SPECC1: variants seen among roughly 807,000 people sequenced by gnomAD.
The protein encoded by SPECC1 is cytospin-B.
Under a neutral mutation model 104.1 loss-of-function variants are expected in SPECC1, and 62 were observed. The ratio of observed to expected loss-of-function variants is 0.60; its 90% CI spans 0.49 to 0.74. SPECC1 has a LOEUF of 0.74. Among genes scored for constraint, SPECC1 ranks in the 30% least tolerant of loss-of-function variants. The probability of loss-of-function intolerance (pLI) is 0.00; values close to 1 mark genes in which losing one functional copy is unlikely to be tolerated. For synonymous variants in SPECC1, 513 were observed against 501.6 expected (o/e 1.02, Z -0.30); for missense variants, 1,306 against 1,310.5 (o/e 1.00, Z 0.05).
At chr17:20,291,657 G>C (rs1257504465) in intron 12 of SPECC1, among the ~76,000 whole-genome samples, 2 of 151,976 alleles carry the variant, frequency 1.3e-5, no homozygotes, top group Non-Finnish European at 2.9e-5. Flanking sequence ...CGATCTTCCT[G>C]CTTCAGCCTC....
intron 3 of SPECC1, among the ~76,000 whole-genome samples, chr17:20,194,502 A>ATTATTTATTTTTTTTTTTTTTTTT: frequency 1.2e-5 from 1 of 86,566 alleles, no homozygotes; most frequent in African/African-American, 5.3e-5. Flanking sequence ...AAGAGAACGA[A>ATTATTTATTTTTTTTTTTTTTTTT]TTTTTTTTTT....
rs376885418 is a variant in SPECC1 at position 20,318,405 on chromosome 17, T to C, written c.*4340T>C. 50 of 231,672 alleles carry C rather than the reference T, an allele frequency of 2.2e-4. No individual in the cohort carries two copies. The highest frequency in any genetic ancestry group is 1.0e-3 in the African/African-American group (47 of 45,378). The allele number at this position is 231,672 out of a possible 1,614,324, so 14.4% of individuals were successfully genotyped here. On this transcript the variant is annotated 3_prime_UTR_variant, in exon 15 of 15. Coordinates refer to ENST00000395527, the MANE Select transcript of SPECC1 (RefSeq NM_001243439.2). Reference sequence around the variant, plus strand: ...TCATTCAGTTTTTGTTTTACAGCTTTTGTAGAGACCAACCCAAGTAGATGC... The same window carrying C: ...TCATTCAGTTTTTGTTTTACAGCTTCTGTAGAGACCAACCCAAGTAGATGC...
At chr17:20,163,555 T>C (rs1313174996) in intron 3 of SPECC1, among the ~76,000 whole-genome samples, 1 of 150,254 alleles carries the variant, frequency 6.7e-6, no homozygotes, top group Non-Finnish European at 1.5e-5. Context: ...ATTTATATTC[T>C]CTCTCTCTCT....
chr17:20,082,467 T>TACCA (rs2047011491), intron 1 of SPECC1, among the ~76,000 whole-genome samples: 1 of 152,164 alleles, frequency 6.6e-6, no homozygotes, highest in South Asian at 2.1e-4. Flanking sequence ...GGCGTGGTGG[T>TACCA]GCGCACCTTG....
rs142426609 is a variant in SPECC1 at position 20,204,749 on chromosome 17, A to G, written c.700A>G (p.Lys234Glu). ...GATAAGAGCTCTTGAGGAGAAGAACAAGAACTTTCAGAAAGAGCTTTCCGA... is the reference window on the plus strand; with the variant it reads ...GATAAGAGCTCTTGAGGAGAAGAACGAGAACTTTCAGAAAGAGCTTTCCGA... ...PMIRALEEKN[K>E]NFQKELSDLE... Residue 234 changes from lysine to glutamate, a missense_variant, in exon 4 of 15, where the codon AAG becomes GAG. This residue lies in a region of SPECC1 where 1,177 missense variants were observed against 1,139.9 expected (regional missense o/e 1.03). Transcript: ENST00000395527. 325 of 1,614,164 alleles carry G rather than the reference A, an allele frequency of 2.0e-4. No homozygotes were observed. In the African/African-American group the frequency reaches 3.8e-3, roughly 19 times the overall value.
intron 13 of SPECC1, among the ~76,000 whole-genome samples, chr17:20,304,222 A>T (rs907393909): frequency 6.6e-6 from 1 of 151,014 alleles, no homozygotes; most frequent in Admixed American, 6.6e-5. Flanking sequence ...CCTGGGAGGC[A>T]GAGGTTGCAG....
At chr17:20,077,620 C>T (rs2046811771) in intron 1 of SPECC1, among the ~76,000 whole-genome samples, 1 of 152,060 alleles carries the variant, frequency 6.6e-6, no homozygotes, top group Non-Finnish European at 1.5e-5. Context: ...GCACCCGCCA[C>T]CACGCCTGGC....
chr17:20,084,361 A>G (rs552976128), intron 1 of SPECC1, among the ~76,000 whole-genome samples: 18 of 152,300 alleles, frequency 1.2e-4, no homozygotes, highest in African/African-American at 3.6e-4. Context: ...CCTGGGAGGC[A>G]GAGGTTGCAG....
rs144403292 is a variant in SPECC1, at chr17:20,103,161, G to A, written c.147+6363G>A. ...TTTCCCAACCCCTGTGACGTGGGAT[G>A]GGGACCTCCTGGCTCCTGTTGGTCT... On this transcript the variant is annotated intron_variant, in intron 2 of 14. Coordinates refer to ENST00000395527, the MANE Select transcript of SPECC1 (RefSeq NM_001243439.2). 2.0e-5 allele frequency among the ~76,000 whole-genome samples: 3 copies of A among 152,318 alleles called. No homozygotes were observed. In the South Asian group the frequency reaches 6.2e-4, roughly 32 times the overall value.
intron 3 of SPECC1, among the ~76,000 whole-genome samples, chr17:20,169,964 A>T (rs1032314583): frequency 1.3e-5 from 2 of 152,228 alleles, no homozygotes; most frequent in Non-Finnish European, 2.9e-5. Flanking sequence ...CCTATGTAGT[A>T]TCATAGAAGT....
chr17:20,079,658 A>T (rs1197430436), intron 1 of SPECC1, among the ~76,000 whole-genome samples: 1 of 152,190 alleles, frequency 6.6e-6, no homozygotes, highest in Non-Finnish European at 1.5e-5. Flanking sequence ...CCCAGCAGAC[A>T]TCCAGCACCC....
intron 1 of SPECC1, among the ~76,000 whole-genome samples, chr17:20,044,888 A>G (rs1409611212): frequency 1.8e-4 from 28 of 152,236 alleles, no homozygotes. Flanking sequence ...TCAACATGGT[A>G]TTTATCAAGT....
At chr17:20,155,639 A>AGC (rs1444663191) in intron 3 of SPECC1, 1 of 153,464 alleles carries the variant, frequency 6.5e-6, no homozygotes, top group East Asian at 1.8e-4. Flanking sequence ...ATGCTTATTA[A>AGC]GCGCCTGTCC....
Position 20,232,212 on chromosome 17 carries a change from G to C in SPECC1, c.2158G>C (p.Glu720Gln). ...CTGACATTTTCAGGAGGAGACCGAG[G>C]AATGGAGGCGGTTCCAGGCGGATCT... ...LTKQMKEETEEWRRFQADLQT... is the reference protein window; with the variant it reads ...LTKQMKEETEQWRRFQADLQT... Residue 720 changes from glutamate to glutamine, a missense_variant, in exon 7 of 15, where the codon GAA becomes CAA. Glu to Gln is a conservative substitution (Grantham distance 29). Around this residue, in one of 2 missense-constraint regions of SPECC1, gnomAD observed 1,177 missense variants for 1,139.9 expected, o/e 1.03. Coordinates refer to ENST00000395527, the MANE Select transcript of SPECC1 (RefSeq NM_001243439.2). The C allele has an allele frequency of 6.2e-7, 1 of 1,614,066 alleles. No homozygotes were observed. The highest frequency in any genetic ancestry group is 8.5e-7 in the Non-Finnish European group (1 of 1,180,044).
chr17:20,073,796 G>A (rs2046654278), intron 1 of SPECC1: 1 of 152,246 alleles, frequency 6.6e-6, no homozygotes, highest in Admixed American at 6.5e-5. Flanking sequence ...ATGTCTTACA[G>A]ACCCAGTGGA....
At chr17:20,167,537 G>A (rs1309102251) in intron 3 of SPECC1, among the ~76,000 whole-genome samples, 1 of 152,106 alleles carries the variant, frequency 6.6e-6, no homozygotes, top group Non-Finnish European at 1.5e-5. Context: ...AATTAGACGG[G>A]CATAGTGGTG....
intron 1 of SPECC1, among the ~76,000 whole-genome samples, chr17:20,082,451 T>A (rs899462602): frequency 6.6e-6 from 1 of 151,922 alleles, no homozygotes; most frequent in East Asian, 1.9e-4. Context: ...AGAAAAAAAT[T>A]AGCCAGGCGT....
intron 3 of SPECC1, among the ~76,000 whole-genome samples, chr17:20,194,525 T>TTTTTTTTTTTG (rs2035896918): frequency 7.0e-6 from 1 of 143,206 alleles, no homozygotes; most frequent in African/African-American, 2.7e-5. Flanking sequence ...TTTTTTTTTT[T>TTTTTTTTTTTG]GAGACAGAGT....
chr17:20,067,502 T>C (rs1442464086), intron 1 of SPECC1: 3 of 152,168 alleles, frequency 2.0e-5, no homozygotes, highest in Admixed American at 6.5e-5. Flanking sequence ...AATGTAAATA[T>C]GAGCTCCTAC....
Sources: gnomAD v4.1 joint callset for allele counts (sites outside exome capture counted in the v4.1 genomes callset) on GRCh38, gnomAD v4.1.1 for gene constraint, gnomAD v4.1.1 regional missense constraint, MANE v1.5 for transcripts, NCBI Gene and HGNC (gene_info 2026-07-23, HGNC 2026-07-21) for gene names.